The following DNAJB14 variants were observed in gnomAD, a reference collection of about 807,000 sequenced individuals.
DNAJB14 encodes the protein dnaJ homolog subfamily B member 14.
Under a neutral mutation model 48.4 loss-of-function variants are expected in DNAJB14, and 22 were observed. The ratio of observed to expected loss-of-function variants is 0.45; its 90% CI spans 0.32 to 0.65. The LOEUF (loss-of-function observed/expected upper bound fraction) is 0.65, where lower values mean the gene tolerates loss of function less well. Among genes scored for constraint, DNAJB14 ranks in the 30% least tolerant of loss-of-function variants. The probability of loss-of-function intolerance (pLI) is 0.03; values close to 1 mark genes in which losing one functional copy is unlikely to be tolerated. For synonymous variants in DNAJB14, 142 were observed against 158.7 expected, an observed-to-expected ratio of 0.89 and a Z score of 0.79; for missense variants, 319 against 458.8, an observed-to-expected ratio of 0.70 and a Z score of 2.78.
intron 3 of DNAJB14, among the ~76,000 whole-genome samples, chr4:99,920,044 G>A (rs1725997971): frequency 6.6e-6 from 1 of 152,158 alleles, no homozygotes; most frequent in Non-Finnish European, 1.5e-5. Flanking sequence ...TTGGTCTTCT[G>A]TGAGATCCTG....
At chr4:99,924,325 T>TA (rs397692696) in intron 2 of DNAJB14, 3 of 149,866 alleles carry the variant, frequency 2.0e-5, no homozygotes, top group Non-Finnish European at 3.0e-5. Context: ...TTTTTTTTTT[T>TA]ACTATTACAC....
At chr4:99,914,170 A>G (rs1725766763) in intron 3 of DNAJB14, among the ~76,000 whole-genome samples, 1 of 152,168 alleles carries the variant, frequency 6.6e-6, no homozygotes, top group African/African-American at 2.4e-5. Context: ...CCCCCATAAC[A>G]CAAACACTTC....
chr4:99,904,227 G>A (rs1725390599), intron 6 of DNAJB14, among the ~76,000 whole-genome samples: 1 of 152,128 alleles, frequency 6.6e-6, no homozygotes, highest in South Asian at 2.1e-4. Context: ...GTATTCTGGT[G>A]ATGCTAATAT....
At chr4:99,945,641 A>G (rs1727041175) in intron 1 of DNAJB14, among the ~76,000 whole-genome samples, 1 of 152,204 alleles carries the variant, frequency 6.6e-6, no homozygotes, top group Non-Finnish European at 1.5e-5. Flanking sequence ...GCACCTCTAC[A>G]CAGAATTGTT....
At chr4:99,905,980 T>A in intron 5 of DNAJB14, 1 of 1,277,788 alleles carries the variant, frequency 7.8e-7, no homozygotes, top group Non-Finnish European at 1.0e-6. Context: ...CCCGACTCCC[T>A]CCCCCCCACA....
rs1434157163 is a variant in DNAJB14, at chr4:99,903,854, A to C, written c.887T>G (p.Val296Gly). The C allele has an allele frequency of 4.3e-6, 7 of 1,612,548 alleles. No homozygotes were observed. The highest frequency in any genetic ancestry group is 1.3e-5 in the African/African-American group (1 of 74,826). Residue 296 changes from valine to glycine, a missense_variant, in exon 7 of 8, where the codon GTT becomes GGT. This residue lies in a region of DNAJB14 where 166 missense variants were observed against 236.3 expected (regional missense o/e 0.70). Coordinates refer to ENST00000442697, the MANE Select transcript of DNAJB14 (RefSeq NM_001031723.4). ...TIKMQTENLG[V>G]VYYVNKDFKN... Reference sequence around the variant, plus strand: ...GAAGTCCTTGTTGACATAATAAACAACACCCAAGTTTTCTGTTTGCATTTT... The same window carrying C: ...GAAGTCCTTGTTGACATAATAAACACCACCCAAGTTTTCTGTTTGCATTTT...
intron 7 of DNAJB14, 21 bp downstream of exon 7, chr4:99,903,705 T>A (rs756764955): frequency 8.8e-6 from 14 of 1,597,492 alleles, no homozygotes; most frequent in African/African-American, 1.4e-5. Context: ...TTTTAAAATG[T>A]TAAACACATG....
intron 3 of DNAJB14, among the ~76,000 whole-genome samples, chr4:99,919,494 G>T (rs766094883): frequency 1.8e-4 from 28 of 152,144 alleles, no homozygotes; most frequent in Non-Finnish European, 3.7e-4. Context: ...CTGAGGCAGA[G>T]AATTGCTTGA....
rs939714330 is a variant in DNAJB14, at chr4:99,900,245, T to C, written c.*783A>G. The C allele has an allele frequency of 2.0e-5, 3 of 152,178 alleles. No homozygotes were observed. The highest frequency in any genetic ancestry group is 7.2e-5 in the African/African-American group (3 of 41,436). The allele number at this position is 152,178 out of a possible 1,614,324, so 9.4% of individuals were successfully genotyped here. On this transcript the variant is annotated 3_prime_UTR_variant, in exon 8 of 8. Transcript: ENST00000442697. ...GCCTTTAAAGTATTGGAATTTTAAA[T>C]GACATAACTGCACTTTACTGTTGAA...
At chr4:99,913,318 G>C (rs1375753912) in intron 3 of DNAJB14, among the ~76,000 whole-genome samples, 1 of 152,182 alleles carries the variant, frequency 6.6e-6, no homozygotes, top group East Asian at 1.9e-4. Context: ...CAGGAGTTCT[G>C]TAGTTGCTCT....
intron 6 of DNAJB14, among the ~76,000 whole-genome samples, chr4:99,904,779 T>C (rs1243861459): frequency 1.3e-5 from 2 of 152,062 alleles, no homozygotes. Context: ...AAAATCTTAT[T>C]TGTATTATAA....
chr4:99,939,674 G>C (rs1384805337), intron 1 of DNAJB14, among the ~76,000 whole-genome samples: 3 of 152,174 alleles, frequency 2.0e-5, no homozygotes, highest in Admixed American at 2.0e-4. Context: ...ACAGTCTTTG[G>C]CTCCATCAAG....
intron 1 of DNAJB14, among the ~76,000 whole-genome samples, chr4:99,935,646 G>C (rs1350484850): frequency 6.6e-6 from 1 of 152,128 alleles, no homozygotes; most frequent in African/African-American, 2.4e-5. Context: ...TCTAAATGGT[G>C]GGCTTCCCCT....
intron 1 of DNAJB14, among the ~76,000 whole-genome samples, chr4:99,941,907 T>C (rs1031405889): frequency 6.6e-6 from 1 of 152,138 alleles, no homozygotes; most frequent in African/African-American, 2.4e-5. Context: ...GTTGGTGCTA[T>C]AGAAATAATT....
chr4:99,927,240 T>C (rs1260734030), intron 2 of DNAJB14: 1 of 152,220 alleles, frequency 6.6e-6, no homozygotes, highest in Non-Finnish European at 1.5e-5. Flanking sequence ...TCTTCTCTTA[T>C]GTGCATGGAA....
chr4:99,934,875 GAC>G (rs1177004835), intron 1 of DNAJB14, among the ~76,000 whole-genome samples: 2 of 85,202 alleles, frequency 2.3e-5, no homozygotes, highest in African/African-American at 4.6e-5. Flanking sequence ...TAAAAAATAA[GAC>G]ATTTTAAAAA....
chr4:99,922,322 T>C (rs1726090074), intron 3 of DNAJB14, among the ~76,000 whole-genome samples: 1 of 152,164 alleles, frequency 6.6e-6, no homozygotes, highest in Non-Finnish European at 1.5e-5. Flanking sequence ...ACTGTAAACA[T>C]TATACACTGG....
intron 6 of DNAJB14, among the ~76,000 whole-genome samples, chr4:99,904,301 G>A (rs1725392142): frequency 6.6e-6 from 1 of 152,130 alleles, no homozygotes; most frequent in Admixed American, 6.6e-5. Context: ...ATGTGAATTA[G>A]AGTAAGAAAA....
In DNAJB14 at chr4:99,922,232, G is replaced by A. The variant is rs531624214; in HGVS notation, c.451+808C>T. 1.8e-4 allele frequency among the ~76,000 whole-genome samples: 28 copies of A among 152,224 alleles called. No homozygotes were observed. In the South Asian group the frequency reaches 5.0e-3, roughly 27 times the overall value. On this transcript the variant is annotated intron_variant, in intron 3 of 7. Transcript: ENST00000442697. ...CAATCTTAACGGTATTTTCATGAAG[G>A]ACCAATTGCTTCTTCTACCTTTTTG...
Sources: allele counts gnomAD v4.1 joint callset (sites outside exome capture counted in the v4.1 genomes callset), GRCh38; gene constraint gnomAD v4.1.1; regional missense constraint gnomAD v4.1.1; transcripts MANE v1.5; gene names NCBI Gene and HGNC (gene_info 2026-07-23, HGNC 2026-07-21).